Variants in NUDCD1 observed in about 807,000 individuals in gnomAD.
NUDCD1 encodes nudC domain-containing protein 1.
In NUDCD1, 60 loss-of-function variants were observed where a neutral mutation model predicts 67.8. The observed-to-expected ratio is 0.88, with a 90% CI of 0.72 to 1.10. The LOEUF is 1.10. NUDCD1 is among the 50% of genes least tolerant of loss of function. The pLI is 0.00. For missense variants in NUDCD1, 643 were observed against 695.0 expected, an observed-to-expected ratio of 0.93 and a Z score of 0.84; for synonymous variants, 244 against 230.8, an observed-to-expected ratio of 1.06 and a Z score of -0.52.
At chr8:109,268,120 A>G (rs921606586) in intron 8 of NUDCD1, among the ~76,000 whole-genome samples, 2 of 152,182 alleles carry the variant, frequency 1.3e-5, no homozygotes, top group African/African-American at 4.8e-5. Flanking sequence ...TTTTTATTAT[A>G]TATTGGACTT....
At chr8:109,276,515 A>T (rs1328417558) in intron 6 of NUDCD1, among the ~76,000 whole-genome samples, 2 of 152,168 alleles carry the variant, frequency 1.3e-5, no homozygotes, top group Non-Finnish European at 2.9e-5. Context: ...CTTTTTCAAG[A>T]CTGTTACAAT....
chr8:109,320,175 G>A (rs1411049860), intron 2 of NUDCD1, among the ~76,000 whole-genome samples: 1 of 150,342 alleles, frequency 6.7e-6, no homozygotes. Flanking sequence ...CAGGAGACAG[G>A]GTTTTGAGAT....
rs140470933 is a variant in NUDCD1, at chr8:109,284,219, C to T, written c.824-3047G>A. ...GGGCATTACATAATAATAAAGGGTT[C>T]AATTCAATGAGAAGACTGAACTATC... On this transcript the variant is annotated intron_variant, in intron 5 of 9. Coordinates refer to ENST00000239690, the MANE Select transcript of NUDCD1 (RefSeq NM_032869.4). Among the ~76,000 whole-genome samples, 560 of 152,160 alleles carry T rather than the reference C, an allele frequency of 3.7e-3. 10 individuals carry two copies. Among genetic ancestry groups the T allele is most frequent in the Admixed American group, 0.027 (406 of 15,270 alleles).
intron 7 of NUDCD1, 113 bp downstream of exon 7, chr8:109,275,239 T>C (rs1814254543): frequency 2.2e-6 from 2 of 893,226 alleles, no homozygotes; most frequent in Non-Finnish European, 3.5e-6. Flanking sequence ...TAGTATCTGA[T>C]ATGTATCTTT....
chr8:109,270,555 T>G (rs1374683170), intron 8 of NUDCD1, among the ~76,000 whole-genome samples: 1 of 152,122 alleles, frequency 6.6e-6, no homozygotes, highest in Non-Finnish European at 1.5e-5. Context: ...ATGACAGAGA[T>G]TTTTAAAAAT....
intron 2 of NUDCD1, among the ~76,000 whole-genome samples, chr8:109,314,642 C>A (rs879829893): frequency 6.6e-6 from 1 of 152,082 alleles, no homozygotes; most frequent in Admixed American, 6.6e-5. Flanking sequence ...CCCCAACCCC[C>A]CAAATCAACC....
Position 109,275,420 on chromosome 8 carries a change from G to A in NUDCD1, c.1105C>T (p.Leu369Phe). 1.2e-6 allele frequency: 2 copies of A among 1,613,646 alleles called. No individual in the cohort carries two copies. Among genetic ancestry groups the A allele is most frequent in the African/African-American group, 1.3e-5 (1 of 74,952 alleles). Residue 369 changes from leucine to phenylalanine, a missense_variant, in exon 7 of 10, where the codon CTT becomes TTT. Coordinates refer to ENST00000239690, the MANE Select transcript of NUDCD1 (RefSeq NM_032869.4). Reference sequence around the variant, plus strand: ...GCACACTGGGCTGAATCTCTTATAAGTTCCCCTTGTTTATCTCCAATTACT... The same window carrying A: ...GCACACTGGGCTGAATCTCTTATAAATTCCCCTTGTTTATCTCCAATTACT... The part of the protein sequence containing the change: ...ELVIGDKQGE[L>F]IRDSAQCAAI...
chr8:109,270,093 T>C (rs969092115), intron 8 of NUDCD1, among the ~76,000 whole-genome samples: 1 of 6,548 alleles, frequency 1.5e-4, no homozygotes, highest in Non-Finnish European at 3.2e-4. Flanking sequence ...TGCCTTAAGG[T>C]GGGGTGTGAA....
In NUDCD1 at chr8:109,271,149, A is replaced by G. The variant is rs1563666419; in HGVS notation, c.1174-19T>C. 2.0e-6 allele frequency: 3 copies of G among 1,463,518 alleles called. No homozygotes were observed. The highest frequency in any genetic ancestry group is 1.4e-5 in the African/African-American group (1 of 70,564). The allele number at this position is 1,463,518 out of a possible 1,614,324, so 90.7% of individuals were successfully genotyped here. ...TTGGATTCTTAGTCCAGAAAATAAA[A>G]TAAGTAAATAAGTAAAACAAATAAA... On this transcript the variant is annotated intron_variant, in intron 7 of 9. Transcript: ENST00000239690.
chr8:109,287,664 A>G (rs1438152375), intron 5 of NUDCD1, among the ~76,000 whole-genome samples: 1 of 152,164 alleles, frequency 6.6e-6, no homozygotes, highest in African/African-American at 2.4e-5. Flanking sequence ...TTGAAAAAGT[A>G]ACTGTTGGGT....
intron 2 of NUDCD1, among the ~76,000 whole-genome samples, chr8:109,306,027 C>G (rs537791046): frequency 6.6e-6 from 1 of 152,160 alleles, no homozygotes; most frequent in Non-Finnish European, 1.5e-5. Flanking sequence ...GGGCTTTATG[C>G]AGTCACTCTC....
intron 8 of NUDCD1, among the ~76,000 whole-genome samples, chr8:109,270,109 T>G: frequency 1.6e-5 from 2 of 123,092 alleles, no homozygotes; most frequent in African/African-American, 3.3e-5. Flanking sequence ...GTGAAATATA[T>G]GCATATATGG....
Position 109,242,032 on chromosome 8 carries a change from TA to T in NUDCD1, c.*976del. The T allele has an allele frequency of 1.0e-5, 4 of 397,724 alleles. No homozygotes were observed. In the East Asian group the frequency reaches 1.4e-4, roughly 14 times the overall value. 24.6% of individuals were successfully genotyped at this position (397,724 alleles called of 1,614,324 possible). On this transcript the variant is annotated 3_prime_UTR_variant, in exon 10 of 10. Coordinates refer to ENST00000239690, the MANE Select transcript of NUDCD1 (RefSeq NM_032869.4). ...TATTTTGTTGAAGTTGTTAGAAAAA[TA>T]AAGAGAGCCACAAGGATAAATTATA... is the stretch of plus-strand genomic sequence containing the variant.
chr8:109,271,197 T>C, intron 7 of NUDCD1, 67 bp from the exon 8 acceptor site: 1 of 1,097,694 alleles, frequency 9.1e-7, no homozygotes, highest in African/African-American at 1.6e-5. Context: ...TTTCTTCATC[T>C]TTAAAAATTT....
intron 3 of NUDCD1, among the ~76,000 whole-genome samples, chr8:109,295,369 AAATG>A (rs1814819430): frequency 6.6e-6 from 1 of 152,158 alleles, no homozygotes; most frequent in Non-Finnish European, 1.5e-5. Flanking sequence ...TTTTTCAGAA[AAATG>A]AAAGTTGTTA....
chr8:109,260,402 T>C (rs1813839246), intron 8 of NUDCD1, among the ~76,000 whole-genome samples: 1 of 152,182 alleles, frequency 6.6e-6, no homozygotes, highest in Admixed American at 6.5e-5. Context: ...AGTCTCGCTA[T>C]GTTGCCTAGG....
intron 8 of NUDCD1, among the ~76,000 whole-genome samples, chr8:109,247,278 T>C (rs1395394743): frequency 6.6e-6 from 1 of 152,108 alleles, no homozygotes; most frequent in Admixed American, 6.6e-5. Flanking sequence ...TAAAATAAAA[T>C]ACAAGTTGAA....
chr8:109,270,090 A>AGGGGGGGGGGGGG (rs1563665962), intron 8 of NUDCD1, among the ~76,000 whole-genome samples: 8 of 7,606 alleles, frequency 1.1e-3, no homozygotes, highest in African/African-American at 1.7e-3. Context: ...GGGTGCCTTA[A>AGGGGGGGGGGGGG]GGTGGGGTGT....
chr8:109,304,213 C>T (rs74437065), intron 2 of NUDCD1, among the ~76,000 whole-genome samples: 6,855 of 152,206 alleles, frequency 0.045, 520 homozygotes, highest in African/African-American at 0.16. Context: ...GAGCCGGGAC[C>T]GTGCTGTGTA....
Sources: allele counts gnomAD v4.1 joint callset (sites outside exome capture counted in the v4.1 genomes callset), GRCh38; gene constraint gnomAD v4.1.1; transcripts MANE v1.5; gene names NCBI Gene and HGNC (gene_info 2026-07-23, HGNC 2026-07-21).